The following CACNA1E variants were observed in gnomAD, a reference collection of about 807,000 sequenced individuals.
CACNA1E encodes the protein voltage-dependent R-type calcium channel subunit alpha-1E.
CACNA1E carries 40 observed loss-of-function variants against 259.2 expected under a neutral mutation model. The ratio of observed to expected loss-of-function variants is 0.15; its 90% CI spans 0.12 to 0.20. The LOEUF (loss-of-function observed/expected upper bound fraction) is 0.20. Ranked by LOEUF, CACNA1E falls within the 10% of genes least tolerant of loss-of-function variation. The probability of loss-of-function intolerance (pLI) is 1.00; values close to 1 mark genes in which losing one functional copy is unlikely to be tolerated. For missense variants in CACNA1E, 1,874 were observed against 3,040.1 expected (o/e 0.62, Z 9.02); for synonymous variants, 1,104 against 1,138.5 (o/e 0.97, Z 0.61).
intron 7 of CACNA1E, among the ~76,000 whole-genome samples, chr1:181,699,034 A>C (rs773262340): frequency 6.6e-5 from 10 of 152,208 alleles, no homozygotes; most frequent in Non-Finnish European, 7.3e-5. Flanking sequence ...AGAGTGTCAA[A>C]GAATAGGTGT....
intron 6 of CACNA1E, among the ~76,000 whole-genome samples, chr1:181,590,952 C>G (rs1652587468): frequency 6.6e-6 from 1 of 152,142 alleles, no homozygotes; most frequent in Non-Finnish European, 1.5e-5. Context: ...ATTATATACT[C>G]TATCAAAAAT....
At chr1:181,633,849 T>C (rs1302054485) in intron 6 of CACNA1E, among the ~76,000 whole-genome samples, 1 of 152,210 alleles carries the variant, frequency 6.6e-6, no homozygotes, top group Non-Finnish European at 1.5e-5. Flanking sequence ...GAATTATCAT[T>C]CCCATTGTAC....
At chr1:181,666,585 A>T (rs542890547) in intron 7 of CACNA1E, among the ~76,000 whole-genome samples, 4 of 152,258 alleles carry the variant, frequency 2.6e-5, no homozygotes, top group South Asian at 4.1e-4. Flanking sequence ...AATGTATAAG[A>T]GTAGCCAAGA....
intron 8 of CACNA1E, among the ~76,000 whole-genome samples, chr1:181,712,529 G>A (rs1653474796): frequency 6.6e-6 from 1 of 152,096 alleles, no homozygotes; most frequent in Non-Finnish European, 1.5e-5. Context: ...TCAACTTTTG[G>A]TGACCTCCAA....
intron 1 of CACNA1E, among the ~76,000 whole-genome samples, chr1:181,500,706 C>G (rs1223667063): frequency 2.6e-5 from 4 of 152,198 alleles, no homozygotes. Context: ...ATGTATTTCT[C>G]AAGTCTTCCC....
chr1:181,483,300 C>T (rs1197659044), upstream of CACNA1E: 1 of 154,114 alleles, frequency 6.5e-6, no homozygotes, highest in Non-Finnish European at 1.4e-5. Flanking sequence ...CAAACTGTTA[C>T]CTAGCGGGCC....
chr1:181,727,266 C>A (rs1054462846), intron 18 of CACNA1E, among the ~76,000 whole-genome samples: 13 of 152,168 alleles, frequency 8.5e-5, no homozygotes, highest in African/African-American at 3.1e-4. Context: ...GAGGAGAAAT[C>A]AGCTAAGGAG....
At chr1:181,467,110 G>T (rs1662200328) in intron 2 of CACNA1E, among the ~76,000 whole-genome samples, 1 of 152,192 alleles carries the variant, frequency 6.6e-6, no homozygotes, top group Non-Finnish European at 1.5e-5. Flanking sequence ...TCATTGGTAA[G>T]TCCTTACCAG....
chr1:181,498,956 A>AAATAGG (rs1665015053), intron 1 of CACNA1E, among the ~76,000 whole-genome samples: 2 of 152,344 alleles, frequency 1.3e-5, no homozygotes, highest in South Asian at 4.1e-4. Context: ...ACGTAAGAAA[A>AAATAGG]AATAGGAATG....
intron 1 of CACNA1E, among the ~76,000 whole-genome samples, chr1:181,507,785 A>G (rs953507452): frequency 3.3e-5 from 5 of 152,138 alleles, no homozygotes; most frequent in African/African-American, 7.2e-5. Flanking sequence ...TTGAACGAGA[A>G]AGTACTTGTG....
chr1:181,775,834 G>A (rs1359291501), intron 37 of CACNA1E, among the ~76,000 whole-genome samples: 1 of 152,200 alleles, frequency 6.6e-6, no homozygotes, highest in Non-Finnish European at 1.5e-5. Context: ...CACACAGCCT[G>A]CAGAGCCTAA....
intron 6 of CACNA1E, among the ~76,000 whole-genome samples, chr1:181,603,219 G>A (rs907526706): frequency 5.9e-5 from 9 of 152,308 alleles, no homozygotes; most frequent in Non-Finnish European, 1.0e-4. Flanking sequence ...TATGCCAGGC[G>A]CTGTTCTAAG....
At chr1:181,741,914 C>T (rs968916546) in intron 25 of CACNA1E, among the ~76,000 whole-genome samples, 1 of 152,208 alleles carries the variant, frequency 6.6e-6, no homozygotes, top group Non-Finnish European at 1.5e-5. Flanking sequence ...GAGTTATGAT[C>T]CATCACTTGC....
At chr1:181,481,891 G>A (rs941399514), upstream of CACNA1E, among the ~76,000 whole-genome samples, 2 of 152,116 alleles carry the variant, frequency 1.3e-5, no homozygotes, top group Admixed American at 6.5e-5. Flanking sequence ...GCTTATTTGG[G>A]AGTAAAGGAT....
intron 1 of CACNA1E, among the ~76,000 whole-genome samples, chr1:181,357,801 C>A (rs551170657): frequency 2.0e-5 from 3 of 152,274 alleles, no homozygotes; most frequent in Admixed American, 6.5e-5. Flanking sequence ...CCCTGAGGTA[C>A]CCTTGGTGCC....
At chr1:181,341,723 G>T (rs549473866) in intron 1 of CACNA1E, among the ~76,000 whole-genome samples, 38 of 152,262 alleles carry the variant, frequency 2.5e-4, no homozygotes, top group Admixed American at 3.9e-4. Flanking sequence ...TTTCTCGGTT[G>T]TTCTCAAAAA....
intron 7 of CACNA1E, among the ~76,000 whole-genome samples, chr1:181,664,743 A>G (rs1191771065): frequency 1.3e-5 from 2 of 151,902 alleles, no homozygotes; most frequent in African/African-American, 4.8e-5. Context: ...TTGGCTGCAG[A>G]GGTATGGCGG....
At chr1:181,372,842 A>T (rs867376631) in intron 1 of CACNA1E, among the ~76,000 whole-genome samples, 1 of 147,672 alleles carries the variant, frequency 6.8e-6, no homozygotes, top group East Asian at 2.0e-4. Context: ...TTTTTTTAAC[A>T]TGAAGGGATA....
intron 2 of CACNA1E, among the ~76,000 whole-genome samples, chr1:181,440,392 T>A (rs1430135092): frequency 6.8e-6 from 1 of 148,098 alleles, no homozygotes; most frequent in Non-Finnish European, 1.5e-5. Flanking sequence ...AATCCACAGA[T>A]ATGCTGCATA....
Sources: allele counts gnomAD v4.1 joint callset (sites outside exome capture counted in the v4.1 genomes callset), GRCh38; gene constraint gnomAD v4.1.1; transcripts MANE v1.5; gene names NCBI Gene and HGNC (gene_info 2026-07-23, HGNC 2026-07-21).